SHC3: variants seen among roughly 807,000 people sequenced by gnomAD.
The protein encoded by SHC3 is SHC adaptor protein 3.
A neutral mutation model predicts 60.4 loss-of-function variants in SHC3; 15 were observed. The observed-to-expected ratio is 0.25, with a 90% CI of 0.17 to 0.38. The LOEUF (loss-of-function observed/expected upper bound fraction) is 0.38. SHC3 is among the 10% of genes least tolerant of loss of function. The pLI is 1.00. For missense variants in SHC3, 677 were observed against 786.1 expected, an observed-to-expected ratio of 0.86 and a Z score of 1.66; for synonymous variants, 294 against 325.9, an observed-to-expected ratio of 0.90 and a Z score of 1.05.
At chr9:89,161,359 C>T (rs1443756270) in intron 1 of SHC3, among the ~76,000 whole-genome samples, 2 of 152,176 alleles carry the variant, frequency 1.3e-5, no homozygotes, top group African/African-American at 2.4e-5. Context: ...CTACTCCCCA[C>T]GTCACCTTCT....
chr9:89,052,676 A>G (rs1183006802), intron 6 of SHC3, among the ~76,000 whole-genome samples: 1 of 152,210 alleles, frequency 6.6e-6, no homozygotes, highest in Non-Finnish European at 1.5e-5. Flanking sequence ...GTTGATCACC[A>G]TATGTGGCCA....
chr9:89,024,303 G>C (rs567437085), intron 11 of SHC3, among the ~76,000 whole-genome samples: 1 of 152,030 alleles, frequency 6.6e-6, no homozygotes, highest in Admixed American at 6.6e-5. Flanking sequence ...TTAGAAACAG[G>C]GTTTCATTCT....
intron 4 of SHC3, 23 bp downstream of exon 4, chr9:89,075,085 CA>C (rs1235374373): frequency 1.2e-6 from 2 of 1,611,324 alleles, no homozygotes; most frequent in East Asian, 2.2e-5. Context: ...TGGGCAGGGA[CA>C]GGGGATCTGA....
At chr9:89,136,555 C>T (rs1263410942) in intron 1 of SHC3, among the ~76,000 whole-genome samples, 1 of 152,014 alleles carries the variant, frequency 6.6e-6, no homozygotes, top group Non-Finnish European at 1.5e-5. Context: ...GGAAGGAATG[C>T]TCAGTTCCTG....
chr9:89,157,157 A>T (rs1826634732), intron 1 of SHC3, among the ~76,000 whole-genome samples: 1 of 152,090 alleles, frequency 6.6e-6, no homozygotes, highest in Non-Finnish European at 1.5e-5. Context: ...ACCTCAATAA[A>T]TATTTGGCCC....
At chr9:89,053,350 C>T (rs1295580772) in intron 6 of SHC3, among the ~76,000 whole-genome samples, 2 of 152,228 alleles carry the variant, frequency 1.3e-5, no homozygotes, top group South Asian at 2.1e-4. Flanking sequence ...TAGGGAGACA[C>T]TGAACTGTGC....
At chr9:89,034,897 T>C (rs1209602005) in intron 11 of SHC3, among the ~76,000 whole-genome samples, 1 of 152,222 alleles carries the variant, frequency 6.6e-6, no homozygotes, top group Non-Finnish European at 1.5e-5. Flanking sequence ...CATAATGTCC[T>C]TGGGAATGTG....
At chr9:89,150,230 G>A (rs1826526701) in intron 1 of SHC3, among the ~76,000 whole-genome samples, 1 of 152,040 alleles carries the variant, frequency 6.6e-6, no homozygotes, top group Admixed American at 6.6e-5. Context: ...ACCCACTGGG[G>A]GTCTTGGAAC....
rs564435523 is a variant in SHC3 at position 89,154,134 on chromosome 9, G to A, written c.474+23853C>T. ...TGGCTTGGAATAGTGGTTACCCCTG[G>A]GAGGTTACTAACTGGTTGGAAGCCG... On this transcript the variant is annotated intron_variant, in intron 1 of 11. Transcript: ENST00000375835. 9.9e-5 allele frequency among the ~76,000 whole-genome samples: 15 copies of A among 152,266 alleles called. No individual in the cohort carries two copies. In the East Asian group the frequency reaches 2.9e-3, roughly 29 times the overall value.
intron 1 of SHC3, among the ~76,000 whole-genome samples, chr9:89,144,611 T>G (rs1360357621): frequency 6.6e-6 from 1 of 152,200 alleles, no homozygotes; most frequent in Non-Finnish European, 1.5e-5. Context: ...TACTTCTGTG[T>G]GATGGAATTA....
At chr9:89,104,478 A>G (rs1463077030) in intron 2 of SHC3, among the ~76,000 whole-genome samples, 1 of 152,260 alleles carries the variant, frequency 6.6e-6, no homozygotes, top group Non-Finnish European at 1.5e-5. Flanking sequence ...AAATGATTTA[A>G]GTATGTGTAG....
intron 6 of SHC3, among the ~76,000 whole-genome samples, chr9:89,064,583 G>A (rs1393016014): frequency 2.6e-5 from 4 of 152,072 alleles, no homozygotes; most frequent in African/African-American, 7.2e-5. Flanking sequence ...AAATTGTATT[G>A]TCTGGGCCCC....
chr9:89,092,758 G>GTA (rs1480875653), intron 2 of SHC3, among the ~76,000 whole-genome samples: 1 of 151,656 alleles, frequency 6.6e-6, no homozygotes, highest in Non-Finnish European at 1.5e-5. Context: ...GTGTGTGTGT[G>GTA]TGTATGTGTG....
At chr9:89,032,267 T>C (rs1315705559) in intron 11 of SHC3, among the ~76,000 whole-genome samples, 1 of 152,306 alleles carries the variant, frequency 6.6e-6, no homozygotes, top group East Asian at 1.9e-4. Flanking sequence ...AAACTACTCT[T>C]AAAAACTAGT....
At chr9:89,070,860 AC>A (rs1444147916) in intron 5 of SHC3, among the ~76,000 whole-genome samples, 5 of 152,322 alleles carry the variant, frequency 3.3e-5, no homozygotes, top group African/African-American at 1.2e-4. Flanking sequence ...CAATAAAAAA[AC>A]AAAAAGTAGG....
intron 2 of SHC3, among the ~76,000 whole-genome samples, chr9:89,088,257 C>A (rs1825564365): frequency 6.6e-6 from 1 of 152,186 alleles, no homozygotes; most frequent in African/African-American, 2.4e-5. Context: ...CAACCAATTG[C>A]CAATCAGGAA....
intron 1 of SHC3, among the ~76,000 whole-genome samples, chr9:89,166,976 C>T (rs1826798655): frequency 6.6e-6 from 1 of 152,086 alleles, no homozygotes; most frequent in Admixed American, 6.5e-5. Context: ...AGCTACTGCA[C>T]TCCTCTTCCC....
chr9:89,070,006 A>G (rs577039581), intron 5 of SHC3, among the ~76,000 whole-genome samples: 1 of 152,344 alleles, frequency 6.6e-6, no homozygotes, highest in East Asian at 1.9e-4. Flanking sequence ...AGGGTCCTCA[A>G]CCTTGAAATG....
At chr9:89,177,370 C>A (rs1826955775) in intron 1 of SHC3, among the ~76,000 whole-genome samples, 1 of 152,236 alleles carries the variant, frequency 6.6e-6, no homozygotes, top group African/African-American at 2.4e-5. Context: ...TCCCAGAATT[C>A]TCATTCCGCT....
Sources: gnomAD v4.1 joint callset for allele counts (sites outside exome capture counted in the v4.1 genomes callset) on GRCh38, gnomAD v4.1.1 for gene constraint, MANE v1.5 for transcripts, NCBI Gene and HGNC (gene_info 2026-07-23, HGNC 2026-07-21) for gene names.